Variants in OR2C1 observed in about 807,000 individuals in gnomAD.
The protein encoded by OR2C1 is olfactory receptor 2C1.
For synonymous variants in OR2C1, 209 were observed against 167.3 expected, an observed-to-expected ratio of 1.25 and a Z score of -1.92; for missense variants, 468 against 388.3, an observed-to-expected ratio of 1.21 and a Z score of -1.73.
At chr16:3,331,941 T>C in the OR2C1 span, among the ~76,000 whole-genome samples, 426 of 151,754 alleles carry the variant, frequency 2.8e-3, 3 homozygotes, top group African/African-American at 9.3e-3. Flanking sequence ...ATGGATGAAA[T>C]TGGAAATCAT....
the OR2C1 span, among the ~76,000 whole-genome samples, chr16:3,348,666 C>A: frequency 6.6e-6 from 1 of 152,154 alleles, no homozygotes; most frequent in African/African-American, 2.4e-5. Context: ...CACCCTGTAC[C>A]CCACCTGCAC....
At chr16:3,355,167 AAGT>A (rs1475276926), upstream of OR2C1, among the ~76,000 whole-genome samples, 4 of 152,106 alleles carry the variant, frequency 2.6e-5, no homozygotes, top group African/African-American at 9.6e-5. Context: ...ATTACAACAG[AAGT>A]TTGAAATCTA....
In OR2C1 at chr16:3,356,884, A is replaced by C; in HGVS notation, c.*5A>C. The C allele has an allele frequency of 6.4e-7, 1 of 1,562,748 alleles. No homozygotes were observed. The highest frequency in any genetic ancestry group is 8.7e-7 in the Non-Finnish European group (1 of 1,153,246). ...AAAGGAAGAGAAGTTGGCTGAGAGA[A>C]CACTCCTTCGTTATTTATTGCGTCT... On this transcript the variant is annotated 3_prime_UTR_variant, in exon 1 of 1. Transcript: ENST00000304936.
chr16:3,349,979 C>T, the OR2C1 span, among the ~76,000 whole-genome samples: 1 of 151,032 alleles, frequency 6.6e-6, no homozygotes, highest in African/African-American at 2.4e-5. Flanking sequence ...AGCCCAAGCC[C>T]GTTTATACAG....
chr16:3,347,633 C>G, the OR2C1 span, among the ~76,000 whole-genome samples: 1 of 151,974 alleles, frequency 6.6e-6, no homozygotes, highest in African/African-American at 2.4e-5. Context: ...TTGTTTTTCT[C>G]AGAAAATGAG....
At chr16:3,330,990 T>C in the OR2C1 span, among the ~76,000 whole-genome samples, 2 of 152,206 alleles carry the variant, frequency 1.3e-5, no homozygotes, top group African/African-American at 4.8e-5. Flanking sequence ...TGAACTAGTT[T>C]ACAGTCCCAC....
the OR2C1 span, among the ~76,000 whole-genome samples, chr16:3,341,414 C>G: frequency 4.6e-5 from 7 of 152,020 alleles, no homozygotes; most frequent in African/African-American, 1.7e-4. Flanking sequence ...TTACTTCTTT[C>G]TAATTTGGTT....
chr16:3,347,109 C>T, the OR2C1 span, among the ~76,000 whole-genome samples: 5 of 150,578 alleles, frequency 3.3e-5, no homozygotes, highest in Non-Finnish European at 7.4e-5. Flanking sequence ...TAGCTGGGCA[C>T]AGTGGTGCGT....
At position 3,355,950 on chromosome 16, in the gene OR2C1, G is replaced by C. The variant is rs763269104; in HGVS notation, c.10G>C (p.Val4Leu). The change falls in exon 1 of 1, where the codon GTG becomes CTG. Residue 4 changes from valine to leucine, a missense_variant. By Grantham distance (32) the Val-to-Leu change is conservative. Transcript: ENST00000304936. MDGVNDSSLQGFVL... is the reference protein window; with the variant it reads MDGLNDSSLQGFVL... ...CTGAAGACAACCAGTGATGGACGGGGTGAATGATAGCTCCTTGCAGGGCTT... is the reference window on the plus strand; with the variant it reads ...CTGAAGACAACCAGTGATGGACGGGCTGAATGATAGCTCCTTGCAGGGCTT... The C allele has an allele frequency of 1.3e-5, 21 of 1,606,834 alleles. No homozygotes were observed. The highest frequency in any genetic ancestry group is 3.3e-4 in the Middle Eastern group (2 of 5,988).
upstream of OR2C1, among the ~76,000 whole-genome samples, chr16:3,351,220 C>CTTTTTTTTTTTTTTTTT (rs779814781): frequency 5.4e-5 from 1 of 18,654 alleles, no homozygotes; most frequent in African/African-American, 2.1e-4. Flanking sequence ...TTTTCTTTTT[C>CTTTTTTTTTTTTTTTTT]TTTTTCTTTT....
the OR2C1 span, among the ~76,000 whole-genome samples, chr16:3,325,801 G>A: frequency 6.6e-6 from 1 of 151,746 alleles, no homozygotes; most frequent in African/African-American, 2.4e-5. Context: ...GGGAAAAAAT[G>A]TAAAAATATA....
chr16:3,338,951 G>A, the OR2C1 span, among the ~76,000 whole-genome samples: 1 of 152,170 alleles, frequency 6.6e-6, no homozygotes, highest in Non-Finnish European at 1.5e-5. Context: ...GCTTCATCTA[G>A]TTCCAAAATA....
At chr16:3,349,930 C>T in the OR2C1 span, among the ~76,000 whole-genome samples, 1 of 151,824 alleles carries the variant, frequency 6.6e-6, no homozygotes, top group African/African-American at 2.4e-5. Flanking sequence ...TTTATGGCTT[C>T]TTCCTTTAGG....
the OR2C1 span, among the ~76,000 whole-genome samples, chr16:3,325,071 T>TC: frequency 1.2e-4 from 18 of 152,180 alleles, no homozygotes; most frequent in African/African-American, 4.3e-4. Flanking sequence ...AACCTCTGCC[T>TC]CCCAGGTTCA....
At chr16:3,323,261 C>T in the OR2C1 span, 3 of 803,652 alleles carry the variant, frequency 3.7e-6, no homozygotes, top group South Asian at 2.6e-5. Flanking sequence ...TGAGGAAGCC[C>T]ACTGTATTTT....
upstream of OR2C1, among the ~76,000 whole-genome samples, chr16:3,354,716 A>G (rs1246187399): frequency 2.0e-5 from 3 of 152,174 alleles, no homozygotes; most frequent in Non-Finnish European, 4.4e-5. Flanking sequence ...TTCCAAATAC[A>G]ATGTGTCTGC....
At chr16:3,347,964 GATAA>G in the OR2C1 span, among the ~76,000 whole-genome samples, 41 of 152,256 alleles carry the variant, frequency 2.7e-4, 2 homozygotes, top group South Asian at 3.7e-3. Context: ...TAATTAAATG[GATAA>G]ATAGATTATG....
At chr16:3,341,373 A>G in the OR2C1 span, among the ~76,000 whole-genome samples, 1 of 152,254 alleles carries the variant, frequency 6.6e-6, no homozygotes, top group African/African-American at 2.4e-5. Flanking sequence ...TTCTGTATAT[A>G]TGATCATGCT....
At chr16:3,345,364 T>C in the OR2C1 span, among the ~76,000 whole-genome samples, 2 of 151,808 alleles carry the variant, frequency 1.3e-5, no homozygotes, top group African/African-American at 4.8e-5. Flanking sequence ...CGGGCACCTG[T>C]AGTCCCAGCT....
Sources: allele counts gnomAD v4.1 joint callset (sites outside exome capture counted in the v4.1 genomes callset), GRCh38; gene constraint gnomAD v4.1.1; transcripts MANE v1.5; gene names NCBI Gene and HGNC (gene_info 2026-07-23, HGNC 2026-07-21).